Variants in UBAP1 observed in about 807,000 individuals in gnomAD.
UBAP1 encodes the protein ubiquitin-associated protein 1.
Under a neutral mutation model 39.0 loss-of-function variants are expected in UBAP1, and 5 were observed. The observed-to-expected ratio is 0.13, with a 90% CI of 0.07 to 0.27. The LOEUF is 0.27. UBAP1 is among the 10% of genes least tolerant of loss of function. The pLI is 1.00. For missense variants in UBAP1, 490 were observed against 608.1 expected (o/e 0.81, Z 2.04); for synonymous variants, 211 against 225.1 (o/e 0.94, Z 0.56).
At chr9:34,193,718 TG>T (rs1261682166) in intron 1 of UBAP1, among the ~76,000 whole-genome samples, 1 of 152,260 alleles carries the variant, frequency 6.6e-6, no homozygotes, top group Non-Finnish European at 1.5e-5. Context: ...GAGCAAGGTA[TG>T]GGGGAAGAGG....
chr9:34,231,222 C>CTTTA (rs557552973), intron 2 of UBAP1, among the ~76,000 whole-genome samples: 28 of 148,418 alleles, frequency 1.9e-4, no homozygotes, highest in South Asian at 1.3e-3. Flanking sequence ...AAAAGCATGT[C>CTTTA]TTTATTTATT....
chr9:34,243,269 A>C (rs1834052022), intron 4 of UBAP1, among the ~76,000 whole-genome samples: 1 of 152,190 alleles, frequency 6.6e-6, no homozygotes, highest in Admixed American at 6.5e-5. Context: ...CCTCTCATTT[A>C]AAGTTAGATT....
chr9:34,200,599 A>G (rs1370248173), intron 1 of UBAP1, among the ~76,000 whole-genome samples: 1 of 152,240 alleles, frequency 6.6e-6, no homozygotes, highest in Non-Finnish European at 1.5e-5. Context: ...TTTTCATTGT[A>G]TGATGTTTAA....
chr9:34,190,751 C>T (rs1830669749), intron 1 of UBAP1, among the ~76,000 whole-genome samples: 1 of 150,534 alleles, frequency 6.6e-6, no homozygotes, highest in South Asian at 2.1e-4. Context: ...ATTCTCCTAC[C>T]TCAGCCTCCC....
intron 2 of UBAP1, among the ~76,000 whole-genome samples, chr9:34,233,688 G>A (rs751095984): frequency 3.9e-5 from 6 of 152,100 alleles, no homozygotes; most frequent in Non-Finnish European, 8.8e-5. Context: ...GGCAATAAGT[G>A]TTATGGGGAA....
Position 34,241,818 on chromosome 9 carries a change from T to G in UBAP1, c.793T>G (p.Ser265Ala), listed in dbSNP as rs770143676. ...TATACCTGCAGTAAGCAATATCAAA[T>G]CCCTGTCTTTCCCCAAACTTGACTC... is the stretch of plus-strand genomic sequence containing the variant. ...PPIPAVSNIK[S>A]LSFPKLDSDD... The change falls in exon 4 of 7, where the codon TCC becomes GCC. Residue 265 changes from serine (S) to alanine (A), a missense_variant. Ser to Ala is a moderately conservative substitution (Grantham distance 99). Transcript: ENST00000297661. 8 of 1,613,894 alleles carry G rather than the reference T, an allele frequency of 5.0e-6. No homozygotes were observed. In the South Asian group the frequency reaches 5.5e-5, roughly 11 times the overall value.
At chr9:34,190,349 G>T (rs1411983907) in intron 1 of UBAP1, among the ~76,000 whole-genome samples, 1 of 151,994 alleles carries the variant, frequency 6.6e-6, no homozygotes, top group Admixed American at 6.6e-5. Context: ...GAGTGCAGTG[G>T]TGTGGTCTTG....
intron 1 of UBAP1, chr9:34,191,478 G>A (rs1251552236): frequency 2.0e-5 from 3 of 152,596 alleles, no homozygotes; most frequent in Non-Finnish European, 4.4e-5. Context: ...TTGAAAGATC[G>A]AAAGTTGTAG....
At chr9:34,220,805 G>C in intron 1 of UBAP1, 103 bp from the exon 2 acceptor site, 1 of 935,080 alleles carries the variant, frequency 1.1e-6, no homozygotes. Context: ...GATTCTGTCA[G>C]CCCTAAAACC....
At chr9:34,202,690 TATATGTATGTATC>T (rs1831467446) in intron 1 of UBAP1, among the ~76,000 whole-genome samples, 1 of 149,402 alleles carries the variant, frequency 6.7e-6, no homozygotes, top group African/African-American at 2.5e-5. Context: ...CCCGTCCCCG[TATATGTATGTATC>T]ATAACACCAT....
rs756611485 is a variant in UBAP1, at chr9:34,186,396, T to C, written c.-8+7156T>C. Among the ~76,000 whole-genome samples the C allele has an allele frequency of 2.4e-3, 364 of 152,326 alleles. 3 individuals carry two copies. Among genetic ancestry groups the C allele is most frequent in the Non-Finnish European group, 2.1e-3 (144 of 68,032 alleles). ...AGAATGCTTGATTGGTCATTATCAG[T>C]TGCTTAATGCTTACCAAACACTTCC... is the stretch of plus-strand genomic sequence containing the variant. On this transcript the variant is annotated intron_variant, in intron 1 of 6. Coordinates refer to ENST00000297661, the MANE Select transcript of UBAP1 (RefSeq NM_016525.5).
intron 4 of UBAP1, among the ~76,000 whole-genome samples, chr9:34,249,556 T>C (rs1307299421): frequency 2.0e-5 from 3 of 152,140 alleles, no homozygotes; most frequent in African/African-American, 7.2e-5. Flanking sequence ...ACAGCCACAA[T>C]TGCAGGTGAC....
chr9:34,209,992 A>G (rs1454254220), intron 1 of UBAP1, among the ~76,000 whole-genome samples: 7 of 152,174 alleles, frequency 4.6e-5, no homozygotes, highest in Admixed American at 2.0e-4. Flanking sequence ...CTTTTCCACA[A>G]TGTCAGGGCC....
chr9:34,232,484 A>AT (rs1290183194), intron 2 of UBAP1, among the ~76,000 whole-genome samples: 1 of 152,180 alleles, frequency 6.6e-6, no homozygotes, highest in Non-Finnish European at 1.5e-5. Context: ...TGTAAATTTA[A>AT]TTTGCTAGCT....
chr9:34,232,301 T>C (rs756922569), intron 2 of UBAP1, among the ~76,000 whole-genome samples: 5 of 152,344 alleles, frequency 3.3e-5, no homozygotes, highest in Admixed American at 6.5e-5. Flanking sequence ...GGCCTGAGTT[T>C]CTTCTTAAAG....
chr9:34,199,166 C>G (rs560899129), intron 1 of UBAP1, among the ~76,000 whole-genome samples: 1 of 152,120 alleles, frequency 6.6e-6, no homozygotes, highest in African/African-American at 2.4e-5. Context: ...CTCTGCCTCC[C>G]GGGTTCAAGC....
chr9:34,234,300 TCTC>T lies in UBAP1; in HGVS notation c.122_124del (p.Ser41del). On this transcript the variant is annotated inframe_deletion, in exon 3 of 7. Transcript: ENST00000297661. ...GCTAAAGTTGGTCTACCTATTGGCTTCTCCTTGCCTGATTGTTTGCAGGTTGTC... is the reference window on the plus strand; with the variant it reads ...GCTAAAGTTGGTCTACCTATTGGCTTCTTGCCTGATTGTTTGCAGGTTGTC... The T allele has an allele frequency of 6.2e-7, 1 of 1,611,380 alleles. No individual in the cohort carries two copies. The highest frequency in any genetic ancestry group is 1.3e-5 in the African/African-American group (1 of 74,938).
In UBAP1 at chr9:34,252,474, TA is replaced by T. The variant is rs1834623532; in HGVS notation, c.*944del. 1 of 151,760 alleles carries T rather than the reference TA, an allele frequency of 6.6e-6. No homozygotes were observed. The highest frequency in any genetic ancestry group is 2.5e-5 in the African/African-American group (1 of 40,686). The allele number at this position is 151,760 out of a possible 1,614,324, so 9.4% of individuals were successfully genotyped here. A position where few individuals can be genotyped will look rare whatever the true frequency, so the allele number is the denominator to read the frequency against. On this transcript the variant is annotated 3_prime_UTR_variant, in exon 7 of 7. Transcript: ENST00000297661. ...CTTGAATCTAAAATAATTTGCTAAC[TA>T]ACTATTTTGATTCTTCAGAGAGAAC...
chr9:34,180,778 C>A (rs932941352), intron 1 of UBAP1, among the ~76,000 whole-genome samples: 2 of 150,792 alleles, frequency 1.3e-5, no homozygotes, highest in Non-Finnish European at 2.9e-5. Flanking sequence ...CCTGCTAGAA[C>A]CTCATTGGAA....
Sources: gnomAD v4.1 joint callset for allele counts (sites outside exome capture counted in the v4.1 genomes callset) on GRCh38, gnomAD v4.1.1 for gene constraint, MANE v1.5 for transcripts, NCBI Gene and HGNC (gene_info 2026-07-23, HGNC 2026-07-21) for gene names.